Variants in PLEKHM1 observed in about 807,000 individuals in gnomAD.
PLEKHM1 encodes pleckstrin homology and RUN domain containing M1.
Under a neutral mutation model 94.3 loss-of-function variants are expected in PLEKHM1, and 28 were observed. That is an observed-to-expected ratio of 0.30 (90% CI 0.22 to 0.41). The LOEUF is 0.41. Ranked by LOEUF, PLEKHM1 falls within the 10% of genes least tolerant of loss-of-function variation. The probability of loss-of-function intolerance (pLI) is 1.00; values close to 1 mark genes in which losing one functional copy is unlikely to be tolerated. For missense variants in PLEKHM1, 907 were observed against 1,358.6 expected (o/e 0.67, Z 5.22); for synonymous variants, 424 against 581.2 (o/e 0.73, Z 3.89).
intron 1 of PLEKHM1, among the ~76,000 whole-genome samples, chr17:45,486,229 AT>A (rs1194920853): frequency 2.9e-5 from 4 of 136,448 alleles, no homozygotes; most frequent in South Asian, 2.2e-4. Flanking sequence ...AAAAAAAAAG[AT>A]AAAATAAAAA....
In PLEKHM1 at chr17:45,436,052, C is replaced by T. The variant is rs1282334100; in HGVS notation, c.*1806G>A. 2 of 456,526 alleles carry T rather than the reference C, an allele frequency of 4.4e-6. No individual in the cohort carries two copies. The highest frequency in any genetic ancestry group is 4.0e-5 in the African/African-American group (2 of 50,098). 28.3% of individuals were successfully genotyped at this position (456,526 alleles called of 1,614,324 possible). A position where few individuals can be genotyped will look rare whatever the true frequency, so the allele number is the denominator to read the frequency against. ...TAACATTTTAAAAATAGTGTGGGCA[C>T]TACCTTTCTGAGGGAGGGGAGGCGG... is the stretch of plus-strand genomic sequence containing the variant. On this transcript the variant is annotated 3_prime_UTR_variant, in exon 12 of 12. Coordinates refer to ENST00000430334, the MANE Select transcript of PLEKHM1 (RefSeq NM_014798.3).
At chr17:45,450,054 T>C (rs1238893573) in intron 8 of PLEKHM1, among the ~76,000 whole-genome samples, 1 of 143,316 alleles carries the variant, frequency 7.0e-6, no homozygotes, top group Non-Finnish European at 1.5e-5. Context: ...CCTAACCATC[T>C]GCTCATCCAC....
In PLEKHM1 at chr17:45,475,123, C is replaced by T; in HGVS notation, c.900G>A (p.Glu300=). The change falls in exon 4 of 12, where the codon GAG becomes GAA. Residue 300 remains glutamate (E), a synonymous_variant. Coordinates refer to ENST00000430334, the MANE Select transcript of PLEKHM1 (RefSeq NM_014798.3). The part of the protein sequence containing the change: ...CDSDLGTANA[E]DSDRSLQEVL... ...ACTCTTGCAGAGACCGGTCTGAGTC[C>T]TCAGCATTTGCTGTGCCCAGGTCTG... 6.2e-7 allele frequency: 1 copy of T among 1,613,968 alleles called. No homozygotes were observed. The highest frequency in any genetic ancestry group is 1.1e-5 in the South Asian group (1 of 91,080).
intron 1 of PLEKHM1, among the ~76,000 whole-genome samples, chr17:45,486,628 GA>G (rs1285069762): frequency 6.6e-6 from 1 of 152,066 alleles, no homozygotes; most frequent in Non-Finnish European, 1.5e-5. Context: ...GGCCAGACAA[GA>G]GAAGGGTCAC....
At chr17:45,443,343 G>C (rs1256275288) in intron 9 of PLEKHM1, among the ~76,000 whole-genome samples, 1 of 151,966 alleles carries the variant, frequency 6.6e-6, no homozygotes, top group East Asian at 1.9e-4. Flanking sequence ...AGGAACAGAG[G>C]AATCACTGGC....
Position 45,486,441 on chromosome 17 carries a change from G to A in PLEKHM1, c.-41-3916C>T, listed in dbSNP as rs191859678. Among the ~76,000 whole-genome samples the A allele has an allele frequency of 5.7e-4, 87 of 151,602 alleles. 1 individual carries two copies. The East Asian group carries it at 0.014, about 24-fold the overall frequency. ...ACTAAAAATACAAAAAATTAGCCGG[G>A]CGGGCACCTGTAGTCCCAGCTACTT... On this transcript the variant is annotated intron_variant, in intron 1 of 11. Coordinates refer to ENST00000430334, the MANE Select transcript of PLEKHM1 (RefSeq NM_014798.3).
rs1469761538 is a variant in PLEKHM1 at position 45,436,866 on chromosome 17, G to C, written c.*992C>G. On this transcript the variant is annotated 3_prime_UTR_variant, in exon 12 of 12. Transcript: ENST00000430334. ...CTTCTCCACAGTGCAGGGCGTGGCT[G>C]CCTGCCCTCTCTGGGGTCCTGCCTA... is the stretch of plus-strand genomic sequence containing the variant. 18 of 453,344 alleles carry C rather than the reference G, an allele frequency of 4.0e-5. No individual in the cohort carries two copies. The Admixed American group carries it at 4.2e-4, about 11-fold the overall frequency. 28.1% of individuals were successfully genotyped at this position (453,344 alleles called of 1,614,324 possible).
At chr17:45,462,821 C>T (rs1463209607) in intron 5 of PLEKHM1, among the ~76,000 whole-genome samples, 1 of 152,132 alleles carries the variant, frequency 6.6e-6, no homozygotes, top group Non-Finnish European at 1.5e-5. Flanking sequence ...ATGGATCATG[C>T]CTGTAATCCC....
intron 4 of PLEKHM1, among the ~76,000 whole-genome samples, chr17:45,470,124 G>T (rs1445208975): frequency 1.3e-5 from 2 of 152,092 alleles, no homozygotes; most frequent in Non-Finnish European, 2.9e-5. Context: ...CATTTTAATG[G>T]GGAGGGAATA....
In PLEKHM1 at chr17:45,477,995, G is replaced by C. The variant is rs758493777; in HGVS notation, c.201C>G (p.Ile67Met). 7.4e-6 allele frequency: 12 copies of C among 1,614,052 alleles called. No homozygotes were observed. The highest frequency in any genetic ancestry group is 8.5e-6 in the Non-Finnish European group (10 of 1,180,024). ...VFIHGLHAKH[I>M]RAEAGGKRKK... The stretch of plus-strand genomic sequence containing the variant: ...TCCTTTTTCCTCCGGCCTCAGCTCG[G>C]ATGTGCTTGGCGTGCAGGCCATGGA... Residue 67 changes from isoleucine (I) to methionine (M), a missense_variant, in exon 3 of 12, where the codon ATC becomes ATG. Ile to Met is a conservative substitution (Grantham distance 10, BLOSUM62 1). Coordinates refer to ENST00000430334, the MANE Select transcript of PLEKHM1 (RefSeq NM_014798.3).
chr17:45,475,946 G>C, intron 3 of PLEKHM1: 2 of 622,782 alleles, frequency 3.2e-6, no homozygotes, highest in South Asian at 1.8e-5. Flanking sequence ...TCAGGAATTC[G>C]TGACCAGCCT....
intron 2 of PLEKHM1, among the ~76,000 whole-genome samples, chr17:45,479,629 T>C (rs1394600162): frequency 6.6e-6 from 1 of 152,096 alleles, no homozygotes; most frequent in Non-Finnish European, 1.5e-5. Flanking sequence ...GAGGTTGTAC[T>C]GAGCCAAAAT....
rs754518279 is a variant in PLEKHM1 at position 45,439,648 on chromosome 17, G to A, written c.2902-14C>T. 1 of 1,613,702 alleles carries A rather than the reference G, an allele frequency of 6.2e-7. No homozygotes were observed. Among genetic ancestry groups the A allele is most frequent in the East Asian group, 2.2e-5 (1 of 44,868 alleles). On this transcript the variant is annotated splice_polypyrimidine_tract_variant and intron_variant, in intron 10 of 11. Coordinates refer to ENST00000430334, the MANE Select transcript of PLEKHM1 (RefSeq NM_014798.3). ...CCCGTCTGCGATCTGCGGAGGGCAA[G>A]TAGGAATCCTTCATACACCCCGTCT...
chr17:45,472,961 GA>G (rs2051565596), intron 4 of PLEKHM1, among the ~76,000 whole-genome samples: 1 of 152,166 alleles, frequency 6.6e-6, no homozygotes, highest in Admixed American at 6.5e-5. Flanking sequence ...GGATCCAGCT[GA>G]AGGAGGCTTT....
chr17:45,456,400 A>G (rs1035245183), intron 6 of PLEKHM1: 1 of 152,248 alleles, frequency 6.6e-6, no homozygotes, highest in African/African-American at 2.4e-5. Flanking sequence ...GTGCCTATGT[A>G]TCACATGTTG....
intron 6 of PLEKHM1, chr17:45,454,529 C>G: frequency 1.7e-6 from 1 of 605,546 alleles, no homozygotes; most frequent in Non-Finnish European, 3.0e-6. Flanking sequence ...CTCCACACGC[C>G]CTGTTCCCTA....
intron 5 of PLEKHM1, among the ~76,000 whole-genome samples, chr17:45,467,821 A>T (rs2051364248): frequency 6.6e-6 from 1 of 152,220 alleles, no homozygotes; most frequent in South Asian, 2.1e-4. Context: ...AGTACTAAGG[A>T]GGAAATGAAG....
At chr17:45,448,336 C>A (rs1031084473) in intron 8 of PLEKHM1, among the ~76,000 whole-genome samples, 6 of 152,260 alleles carry the variant, frequency 3.9e-5, no homozygotes, top group African/African-American at 1.4e-4. Context: ...ATGAAGCCAA[C>A]TTCTGCGGGG....
At chr17:45,462,822 C>G (rs1323553773) in intron 5 of PLEKHM1, among the ~76,000 whole-genome samples, 1 of 152,154 alleles carries the variant, frequency 6.6e-6, no homozygotes, top group Non-Finnish European at 1.5e-5. Context: ...TGGATCATGC[C>G]TGTAATCCCA....
Sources: gnomAD v4.1 joint callset for allele counts (sites outside exome capture counted in the v4.1 genomes callset) on GRCh38, gnomAD v4.1.1 for gene constraint, MANE v1.5 for transcripts, NCBI Gene and HGNC (gene_info 2026-07-23, HGNC 2026-07-21) for gene names.